The following LOC128462377 variants were observed in gnomAD, a reference collection of about 807,000 sequenced individuals.
At chr16:89,408,661 C>A in the LOC128462377 span, among the ~76,000 whole-genome samples, 1 of 152,180 alleles carries the variant, frequency 6.6e-6, no homozygotes, top group Non-Finnish European at 1.5e-5. Context: ...TCCTCGCACC[C>A]CCTGCCACCC....
At chr16:89,322,867 T>C in the LOC128462377 span, among the ~76,000 whole-genome samples, 1,615 of 152,128 alleles carry the variant, frequency 0.011, 26 homozygotes, top group African/African-American at 0.036. Context: ...GTTTGTTTGT[T>C]TGAGACAGCT....
the LOC128462377 span, among the ~76,000 whole-genome samples, chr16:89,398,545 C>T: frequency 6.6e-6 from 1 of 152,132 alleles, no homozygotes; most frequent in African/African-American, 2.4e-5. Context: ...AGGGAGACCC[C>T]ATCTCTTAAA....
chr16:89,331,107 C>T, the LOC128462377 span, among the ~76,000 whole-genome samples: 1 of 152,122 alleles, frequency 6.6e-6, no homozygotes, highest in Admixed American at 6.5e-5. Flanking sequence ...GTGCCTGCCA[C>T]CATGCCCGGC....
chr16:89,323,337 T>G, the LOC128462377 span: 1 of 1,288,266 alleles, frequency 7.8e-7, no homozygotes, highest in South Asian at 1.2e-5. Flanking sequence ...ATCCCAGGTA[T>G]GGAAGAGAAG....
chr16:89,353,759 C>T, the LOC128462377 span, among the ~76,000 whole-genome samples: 17 of 152,156 alleles, frequency 1.1e-4, no homozygotes, highest in Non-Finnish European at 2.4e-4. Context: ...GGATTACAGG[C>T]GTGAGCCACT....
At chr16:89,346,418 A>C in the LOC128462377 span, among the ~76,000 whole-genome samples, 47 of 152,304 alleles carry the variant, frequency 3.1e-4, no homozygotes, top group African/African-American at 1.1e-3. Context: ...AACATATAAA[A>C]TCATCCAATA....
chr16:89,382,672 G>T, the LOC128462377 span, among the ~76,000 whole-genome samples: 20 of 150,970 alleles, frequency 1.3e-4, no homozygotes, highest in Non-Finnish European at 2.5e-4. Flanking sequence ...AGTAGATGGG[G>T]TCTCACTATG....
the LOC128462377 span, among the ~76,000 whole-genome samples, chr16:89,416,746 G>A: frequency 6.0e-5 from 9 of 149,122 alleles, no homozygotes; most frequent in Non-Finnish European, 4.4e-5. Flanking sequence ...CCTGGACAAC[G>A]TAACAAGACT....
chr16:89,404,076 C>T, the LOC128462377 span, among the ~76,000 whole-genome samples: 2 of 152,184 alleles, frequency 1.3e-5, no homozygotes, highest in South Asian at 2.1e-4. Context: ...TCAGAGCAAA[C>T]GCTGCATCAC....
the LOC128462377 span, among the ~76,000 whole-genome samples, chr16:89,403,253 C>T: frequency 6.6e-6 from 1 of 152,192 alleles, no homozygotes; most frequent in African/African-American, 2.4e-5. Context: ...GTATCTGATG[C>T]GCACTCACTC....
chr16:89,406,362 T>C, the LOC128462377 span, among the ~76,000 whole-genome samples: 1 of 152,112 alleles, frequency 6.6e-6, no homozygotes, highest in South Asian at 2.1e-4. Context: ...CACCTGGGCC[T>C]CGGCCACACT....
At chr16:89,333,337 G>T in the LOC128462377 span, among the ~76,000 whole-genome samples, 1 of 152,210 alleles carries the variant, frequency 6.6e-6, no homozygotes. Context: ...GAGAGTGGCC[G>T]TTTGTTACAG....
the LOC128462377 span, among the ~76,000 whole-genome samples, chr16:89,330,976 C>T: frequency 6.6e-6 from 1 of 152,206 alleles, no homozygotes; most frequent in Non-Finnish European, 1.5e-5. Context: ...TTTCTTGAGA[C>T]GGAGTCTCAC....
At chr16:89,363,105 G>A in the LOC128462377 span, among the ~76,000 whole-genome samples, 1 of 152,088 alleles carries the variant, frequency 6.6e-6, no homozygotes, top group Non-Finnish European at 1.5e-5. Flanking sequence ...TTACGTTCAA[G>A]TGCTATTTCT....
chr16:89,339,513 T>C, the LOC128462377 span, among the ~76,000 whole-genome samples: 2 of 152,246 alleles, frequency 1.3e-5, no homozygotes, highest in Non-Finnish European at 2.9e-5. Context: ...TAAAGGTGGC[T>C]CTTTCACAAA....
chr16:89,405,731 T>A, the LOC128462377 span, among the ~76,000 whole-genome samples: 1 of 152,106 alleles, frequency 6.6e-6, no homozygotes, highest in Non-Finnish European at 1.5e-5. Flanking sequence ...CCTCAAGGCC[T>A]GTCCACGAAG....
At chr16:89,380,008 T>G in the LOC128462377 span, among the ~76,000 whole-genome samples, 1 of 152,272 alleles carries the variant, frequency 6.6e-6, no homozygotes, top group Admixed American at 6.5e-5. Context: ...CCCTCAAGCT[T>G]CAGTCCAGGT....
the LOC128462377 span, among the ~76,000 whole-genome samples, chr16:89,317,703 C>T: frequency 2.2e-4 from 34 of 152,346 alleles, no homozygotes; most frequent in Admixed American, 1.0e-3. Flanking sequence ...CCTCAGGCTC[C>T]AGCTCCTGGG....
At chr16:89,415,794 C>G in the LOC128462377 span, among the ~76,000 whole-genome samples, 4 of 129,062 alleles carry the variant, frequency 3.1e-5, no homozygotes, top group African/African-American at 1.2e-4. Flanking sequence ...CACCACTACA[C>G]TCCAGGCCCT....
Sources: allele counts gnomAD v4.1 joint callset (sites outside exome capture counted in the v4.1 genomes callset), GRCh38; gene constraint gnomAD v4.1.1; transcripts MANE v1.5.